PLEKHA5: variants seen among roughly 807,000 people sequenced by gnomAD.
PLEKHA5 encodes pleckstrin homology domain containing A5.
A neutral mutation model predicts 181.9 loss-of-function variants in PLEKHA5; 55 were observed. The observed-to-expected ratio is 0.30, with a 90% CI of 0.24 to 0.38. PLEKHA5 has a LOEUF of 0.38. PLEKHA5 is among the 10% of genes least tolerant of loss of function. The pLI, the probability that PLEKHA5 is intolerant of heterozygous loss-of-function variation, is 1.00. For missense variants in PLEKHA5, 1,432 were observed against 1,549.5 expected (o/e 0.92, Z 1.27); for synonymous variants, 535 against 529.4 (o/e 1.01, Z -0.15).
At chr12:19,338,831 C>A (rs1236137332) in intron 21 of PLEKHA5, among the ~76,000 whole-genome samples, 4 of 148,116 alleles carry the variant, frequency 2.7e-5, no homozygotes, top group African/African-American at 1.0e-4. Context: ...TTGCAGTGAT[C>A]GGAGATCACA....
chr12:19,344,066 AT>A (rs199748198), intron 22 of PLEKHA5, among the ~76,000 whole-genome samples: 30 of 145,118 alleles, frequency 2.1e-4, no homozygotes, highest in East Asian at 1.0e-3. Context: ...AAAAAAAAAA[AT>A]TTTCTCAGCT....
chr12:19,295,821 G>A (rs1028655462), intron 15 of PLEKHA5, among the ~76,000 whole-genome samples: 1 of 152,180 alleles, frequency 6.6e-6, no homozygotes, highest in Non-Finnish European at 1.5e-5. Flanking sequence ...AGTATCCCTG[G>A]TGGTTAGATT....
At chr12:19,291,952 C>T (rs957097694) in intron 15 of PLEKHA5, among the ~76,000 whole-genome samples, 4 of 152,298 alleles carry the variant, frequency 2.6e-5, no homozygotes, top group Non-Finnish European at 4.4e-5. Flanking sequence ...CTCTAGACTT[C>T]GTTCTTCTTA....
chr12:19,292,534 G>A (rs1565576630), intron 15 of PLEKHA5, among the ~76,000 whole-genome samples: 1 of 152,220 alleles, frequency 6.6e-6, no homozygotes, highest in Non-Finnish European at 1.5e-5. Context: ...TACTTCCAAT[G>A]TTTGGTCTTT....
Position 19,130,205 on chromosome 12 carries a change from A to C in PLEKHA5, c.169+75A>C. 9.3e-6 allele frequency: 8 copies of C among 864,676 alleles called. No individual in the cohort carries two copies. Among genetic ancestry groups the C allele is most frequent in the South Asian group, 2.6e-5 (1 of 38,336 alleles). 53.6% of individuals were successfully genotyped at this position (864,676 alleles called of 1,614,324 possible). ...AGCCCGGGCCGCCCGGCTCCCCGCA[A>C]CCTGCCCCGCGCCGCGGGCCCCGGG... On this transcript the variant is annotated intron_variant, in intron 2 of 31. Coordinates refer to ENST00000429027, the MANE Select transcript of PLEKHA5 (RefSeq NM_001256470.2). This position sits in a 1 kb window ranked among gnomAD's most constrained non-coding sequence, Gnocchi z 4.5.
intron 30 of PLEKHA5, among the ~76,000 whole-genome samples, chr12:19,367,258 C>CTTTTTTT (rs376634416): frequency 2.8e-5 from 2 of 72,004 alleles, no homozygotes; most frequent in African/African-American, 5.6e-5. Context: ...TTTGCTTCTT[C>CTTTTTTT]TTTTTTTTTT....
intron 3 of PLEKHA5, among the ~76,000 whole-genome samples, chr12:19,140,539 T>C (rs1307984204): frequency 6.6e-6 from 1 of 152,176 alleles, no homozygotes; most frequent in Non-Finnish European, 1.5e-5. Flanking sequence ...CAAGAGAATC[T>C]TTTGGACTAT....
chr12:19,164,936 T>G (rs1274618001), intron 3 of PLEKHA5, among the ~76,000 whole-genome samples: 1 of 152,060 alleles, frequency 6.6e-6, no homozygotes, highest in African/African-American at 2.4e-5. Context: ...CTCCCTGCCG[T>G]TTTTCCCCAC....
At position 19,311,264 on chromosome 12, in the gene PLEKHA5, A is replaced by G. The variant is rs553830852; in HGVS notation, c.2038-3550A>G. Among the ~76,000 whole-genome samples, 21 of 129,174 alleles carry G rather than the reference A, an allele frequency of 1.6e-4. No individual in the cohort carries two copies. In the South Asian group the frequency reaches 6.0e-3, roughly 37 times the overall value. The allele number at this position is 129,174 out of a possible 152,430, so 84.7% of individuals were successfully genotyped here. A position where few individuals can be genotyped will look rare whatever the true frequency, so the allele number is the denominator to read the frequency against. On this transcript the variant is annotated intron_variant, in intron 15 of 31. Transcript: ENST00000429027. Reference sequence around the variant, plus strand: ...AACATACCAAGACCCTGTCTCTGCAAAAAAAAAAAAAAAAATTTTTAATCA... The same window carrying G: ...AACATACCAAGACCCTGTCTCTGCAGAAAAAAAAAAAAAAATTTTTAATCA...
intron 3 of PLEKHA5, among the ~76,000 whole-genome samples, chr12:19,253,109 C>G (rs1311942275): frequency 1.5e-5 from 1 of 66,966 alleles, no homozygotes; most frequent in Non-Finnish European, 3.3e-5. Context: ...GAGGCTTGCT[C>G]TGTTGCCCAG....
At chr12:19,250,415 C>G (rs1002290169) in intron 3 of PLEKHA5, among the ~76,000 whole-genome samples, 6 of 152,090 alleles carry the variant, frequency 3.9e-5, no homozygotes, top group African/African-American at 9.7e-5. Context: ...TGAAACCCCT[C>G]TCTACTAAAA....
intron 3 of PLEKHA5, among the ~76,000 whole-genome samples, chr12:19,196,246 A>T (rs2052701659): frequency 6.6e-6 from 1 of 152,160 alleles, no homozygotes; most frequent in Non-Finnish European, 1.5e-5. Flanking sequence ...TTTTTTAAGG[A>T]TTAACTATTT....
chr12:19,306,540 GC>G (rs2152954220), intron 15 of PLEKHA5: 1 of 749,900 alleles, frequency 1.3e-6, no homozygotes, highest in African/African-American at 1.7e-5. Flanking sequence ...GCCGCGAGCA[GC>G]GCCGTGAGCA....
At chr12:19,342,614 T>A (rs2015177) in intron 21 of PLEKHA5, among the ~76,000 whole-genome samples, 93,274 of 151,764 alleles carry the variant, frequency 0.61, 33,285 homozygotes, top group Non-Finnish European at 0.82. Context: ...TGAGATTATG[T>A]CGTTGCACAA....
At chr12:19,193,430 C>G (rs1008295388) in intron 3 of PLEKHA5, among the ~76,000 whole-genome samples, 1 of 152,114 alleles carries the variant, frequency 6.6e-6, no homozygotes, top group African/African-American at 2.4e-5. Flanking sequence ...CAATTTCTTA[C>G]TTCAAATGGA....
chr12:19,178,388 C>T (rs1005280023), intron 3 of PLEKHA5, among the ~76,000 whole-genome samples: 4 of 115,576 alleles, frequency 3.5e-5, no homozygotes, highest in African/African-American at 1.0e-4. Context: ...AGGGATTATG[C>T]CAGCATAATT....
At chr12:19,327,199 G>A (rs954600481) in intron 20 of PLEKHA5, among the ~76,000 whole-genome samples, 1 of 149,700 alleles carries the variant, frequency 6.7e-6, no homozygotes, top group African/African-American at 2.5e-5. Flanking sequence ...TCCACTCACT[G>A]TGTATAAGCA....
At chr12:19,359,131 C>T (rs898608386) in intron 27 of PLEKHA5, among the ~76,000 whole-genome samples, 1 of 152,102 alleles carries the variant, frequency 6.6e-6, no homozygotes, top group Non-Finnish European at 1.5e-5. Context: ...CTCTTTCCAC[C>T]GAATCAAGTG....
chr12:19,198,106 A>G (rs1294325420), intron 3 of PLEKHA5, among the ~76,000 whole-genome samples: 1 of 152,002 alleles, frequency 6.6e-6, no homozygotes, highest in East Asian at 1.9e-4. Context: ...TCCGCTCTTG[A>G]CCCTTTACAA....
Sources: gnomAD v4.1 joint callset for allele counts (sites outside exome capture counted in the v4.1 genomes callset) on GRCh38, gnomAD v4.1.1 for gene constraint, Gnocchi (gnomAD v3.1) non-coding constraint, MANE v1.5 for transcripts, NCBI Gene and HGNC (gene_info 2026-07-23, HGNC 2026-07-21) for gene names.